The following BUB1B variants were observed in gnomAD, a reference collection of about 807,000 sequenced individuals.
The protein encoded by BUB1B is BUB1 mitotic checkpoint serine/threonine kinase B.
A neutral mutation model predicts 137.7 loss-of-function variants in BUB1B; 86 were observed. That is an observed-to-expected ratio of 0.62 (90% CI 0.52 to 0.75). The LOEUF (loss-of-function observed/expected upper bound fraction) is 0.75. BUB1B is among the 30% of genes least tolerant of loss of function. The probability of loss-of-function intolerance (pLI) is 0.00; values close to 1 mark genes in which losing one functional copy is unlikely to be tolerated. For missense variants in BUB1B, 1,130 were observed against 1,236.9 expected, an observed-to-expected ratio of 0.91 and a Z score of 1.30; for synonymous variants, 420 against 417.9, an observed-to-expected ratio of 1.00 and a Z score of -0.06.
At chr15:40,178,180 C>G (rs2037243971) in intron 5 of BUB1B, among the ~76,000 whole-genome samples, 1 of 151,742 alleles carries the variant, frequency 6.6e-6, no homozygotes, top group African/African-American at 2.4e-5. Context: ...AGACCTTTCT[C>G]TTTTTCTAAT....
At position 40,166,712 on chromosome 15, in the gene BUB1B, G is replaced by A. The variant is rs114544252; in HGVS notation, c.179+1516G>A. Among the ~76,000 whole-genome samples, 191 of 152,312 alleles carry A rather than the reference G, an allele frequency of 1.3e-3. 1 individual carries two copies. Among genetic ancestry groups the A allele is most frequent in the African/African-American group, 4.3e-3 (179 of 41,582 alleles). ...AATAGATGTATGTTTAACTGTTGAA[G>A]AAACTGGTTTACCAAGGAGGTTGTG... On this transcript the variant is annotated intron_variant, in intron 2 of 22. Coordinates refer to ENST00000287598, the MANE Select transcript of BUB1B (RefSeq NM_001211.6).
intron 5 of BUB1B, among the ~76,000 whole-genome samples, chr15:40,181,025 C>T (rs2037285697): frequency 6.6e-6 from 1 of 151,786 alleles, no homozygotes; most frequent in Non-Finnish European, 1.5e-5. Context: ...TTTCCTCTGG[C>T]CTTGTCCAAG....
At chr15:40,196,289 G>GTCAAAGATC (rs1333232992) in intron 8 of BUB1B, among the ~76,000 whole-genome samples, 1 of 152,094 alleles carries the variant, frequency 6.6e-6, no homozygotes, top group Non-Finnish European at 1.5e-5. Flanking sequence ...AAGATCAGTT[G>GTCAAAGATC]ACTGTGAGTA....
At chr15:40,187,904 A>T (rs2037387889) in intron 8 of BUB1B, among the ~76,000 whole-genome samples, 1 of 152,212 alleles carries the variant, frequency 6.6e-6, no homozygotes, top group African/African-American at 2.4e-5. Flanking sequence ...TTGTCTCAAA[A>T]ATAAATAACG....
intron 2 of BUB1B, among the ~76,000 whole-genome samples, chr15:40,169,606 A>ATTTTTTTTT (rs2037137847): frequency 1.9e-5 from 2 of 106,574 alleles, no homozygotes; most frequent in Non-Finnish European, 4.1e-5. Flanking sequence ...AATTATTTCT[A>ATTTTTTTTT]TTCTTTTTTT....
chr15:40,166,308 G>A, intron 2 of BUB1B: 1 of 423,126 alleles, frequency 2.4e-6, no homozygotes, highest in South Asian at 1.7e-5. Context: ...CTTGAACAAG[G>A]CTTTTTGTAG....
chr15:40,213,291 A>G, intron 19 of BUB1B, 41 bp from the exon 20 acceptor site: 3 of 1,610,394 alleles, frequency 1.9e-6, no homozygotes, highest in East Asian at 2.2e-5. Context: ...ACGATCTGCC[A>G]AACTTGAGAA....
intron 20 of BUB1B, among the ~76,000 whole-genome samples, chr15:40,215,508 G>A (rs1011127841): frequency 1.3e-5 from 2 of 151,624 alleles, no homozygotes; most frequent in Non-Finnish European, 2.9e-5. Flanking sequence ...AGTAGCTCAC[G>A]CCTGTAATCC....
chr15:40,207,065 C>T (rs913139276), intron 15 of BUB1B, among the ~76,000 whole-genome samples: 1 of 152,184 alleles, frequency 6.6e-6, no homozygotes, highest in Non-Finnish European at 1.5e-5. Flanking sequence ...CCGCCTCGGC[C>T]TCTCAAAGTG....
At chr15:40,168,498 A>G (rs2037127153) in intron 2 of BUB1B, among the ~76,000 whole-genome samples, 1 of 152,206 alleles carries the variant, frequency 6.6e-6, no homozygotes, top group African/African-American at 2.4e-5. Context: ...TTATTGTTTT[A>G]CCATTTCTGC....
intron 20 of BUB1B, among the ~76,000 whole-genome samples, chr15:40,216,567 ATATATTTTTT>A (rs1184568990): frequency 1.7e-5 from 1 of 57,594 alleles, no homozygotes; most frequent in African/African-American, 8.0e-5. Context: ...ATATATATAT[ATATATTTTTT>A]TTTTTTTTTA....
chr15:40,172,465 T>A (rs1047963437), intron 4 of BUB1B, among the ~76,000 whole-genome samples: 5 of 152,162 alleles, frequency 3.3e-5, no homozygotes, highest in Non-Finnish European at 7.3e-5. Context: ...ATGTATTATA[T>A]CTTTTTTTTT....
At chr15:40,168,223 C>T (rs757392984) in intron 2 of BUB1B, among the ~76,000 whole-genome samples, 25 of 152,118 alleles carry the variant, frequency 1.6e-4, no homozygotes, top group South Asian at 6.2e-4. Flanking sequence ...CAAAATTAGC[C>T]GGGCGTGGTG....
At position 40,187,306 on chromosome 15, in the gene BUB1B, T is replaced by G. The variant is rs151252500; in HGVS notation, c.1058+1664T>G. Among the ~76,000 whole-genome samples the G allele has an allele frequency of 6.1e-3, 926 of 152,148 alleles. 8 individuals are homozygous for G. The highest frequency in any genetic ancestry group is 0.021 in the African/African-American group (886 of 41,502). On this transcript the variant is annotated intron_variant, in intron 8 of 22. Coordinates refer to ENST00000287598, the MANE Select transcript of BUB1B (RefSeq NM_001211.6). The stretch of plus-strand genomic sequence containing the variant: ...ACGCCTGGCTAATTTTTTCTATTTT[T>G]TAGTAGAGACGGGATTTCACCGTGT...
intron 4 of BUB1B, among the ~76,000 whole-genome samples, chr15:40,172,643 G>A (rs2037177255): frequency 6.6e-6 from 1 of 151,160 alleles, no homozygotes; most frequent in South Asian, 2.1e-4. Flanking sequence ...CTCACGGGTG[G>A]CAGAGATGGA....
At chr15:40,180,506 T>C (rs1431790360) in intron 5 of BUB1B, among the ~76,000 whole-genome samples, 10 of 151,934 alleles carry the variant, frequency 6.6e-5, no homozygotes, top group African/African-American at 2.4e-4. Context: ...CCTCAAATGG[T>C]CTGCCCACCT....
At chr15:40,173,961 TG>T in intron 4 of BUB1B, 1 of 436,576 alleles carries the variant, frequency 2.3e-6, no homozygotes, top group Non-Finnish European at 4.5e-6. Context: ...GGAAAACTTC[TG>T]GTATTTTTAT....
At chr15:40,196,292 TG>T (rs1395171227) in intron 8 of BUB1B, among the ~76,000 whole-genome samples, 1 of 152,192 alleles carries the variant, frequency 6.6e-6, no homozygotes, top group Non-Finnish European at 1.5e-5. Flanking sequence ...ATCAGTTGAC[TG>T]TGAGTATTTG....
intron 14 of BUB1B, among the ~76,000 whole-genome samples, chr15:40,203,800 G>A (rs1468930998): frequency 6.6e-6 from 1 of 152,084 alleles, no homozygotes; most frequent in Non-Finnish European, 1.5e-5. Flanking sequence ...CTGTATCATT[G>A]GCATTTTATT....
Sources: gnomAD v4.1 joint callset for allele counts (sites outside exome capture counted in the v4.1 genomes callset) on GRCh38, gnomAD v4.1.1 for gene constraint, MANE v1.5 for transcripts, NCBI Gene and HGNC (gene_info 2026-07-23, HGNC 2026-07-21) for gene names.